ZFP36L2: variants seen among roughly 807,000 people sequenced by gnomAD.
ZFP36L2 encodes ZFP36 like 2 zinc finger CCCH-type.
Under a neutral mutation model 27.9 loss-of-function variants are expected in ZFP36L2, and 16 were observed. The observed-to-expected ratio is 0.57, with a 90% CI of 0.39 to 0.87. ZFP36L2 has a LOEUF of 0.87. Among genes scored for constraint, ZFP36L2 ranks in the 40% least tolerant of loss-of-function variants. The probability of loss-of-function intolerance (pLI) is 0.00; values close to 1 mark genes in which losing one functional copy is unlikely to be tolerated. For synonymous variants in ZFP36L2, 600 were observed against 363.8 expected, an observed-to-expected ratio of 1.65 and a Z score of -7.39; for missense variants, 989 against 726.9, an observed-to-expected ratio of 1.36 and a Z score of -4.15.
chr2:43,224,287 C>T lies in ZFP36L2; in HGVS notation c.*32G>A, dbSNP rs1385235092. On this transcript the variant is annotated 3_prime_UTR_variant, in exon 2 of 2. Coordinates refer to ENST00000282388, the MANE Select transcript of ZFP36L2 (RefSeq NM_006887.5). ...GTGTCCTCCAACATCTCTGAACCGCCTTCCCTTCCTCCTCACTGGCGCCCT... is the reference window on the plus strand; with the variant it reads ...GTGTCCTCCAACATCTCTGAACCGCTTTCCCTTCCTCCTCACTGGCGCCCT... 1.3e-6 allele frequency: 2 copies of T among 1,521,740 alleles called. No individual in the cohort carries two copies. The highest frequency in any genetic ancestry group is 1.8e-6 in the Non-Finnish European group (2 of 1,140,082). 94.3% of individuals were successfully genotyped at this position (1,521,740 alleles called of 1,614,324 possible).
chr2:43,224,936 G>A lies in ZFP36L2; in HGVS notation c.868C>T (p.Pro290Ser). The stretch of plus-strand genomic sequence containing the variant: ...GACGAGGCCGAAGAGCAGGAGGGCG[G>A]CGGCGGCGTGCGCGACGTGGGGCTG... ...LDSPTSRTPPPPSCSSASSCS... is the reference protein window; with the variant it reads ...LDSPTSRTPPSPSCSSASSCS... Residue 290 changes from proline to serine, a missense_variant, in exon 2 of 2, where the codon CCG becomes TCG. Pro to Ser is a moderately conservative substitution (Grantham distance 74, BLOSUM62 -1). Transcript: ENST00000282388. 3.9e-6 allele frequency: 6 copies of A among 1,551,500 alleles called. No individual in the cohort carries two copies. Among genetic ancestry groups the A allele is most frequent in the South Asian group, 1.2e-5 (1 of 85,360 alleles).
At chr2:43,226,243 C>A in intron 1 of ZFP36L2, 22 bp downstream of exon 1, 1 of 1,567,564 alleles carries the variant, frequency 6.4e-7, no homozygotes. Flanking sequence ...CTGCTGCCGG[C>A]CGGGCCCGCT....
chr2:43,225,590 C>T lies in ZFP36L2; in HGVS notation c.214G>A (p.Gly72Ser), dbSNP rs1037652125. Reference protein sequence around the residue: ...HALAHPAPSPGSCSPKFPGAA... With the variant: ...HALAHPAPSPSSCSPKFPGAA... ...CCCGGGAACTTGGGCGAGCAGCTGC[C>T]GGGGCTGGGCGCGGGGTGGGCGAGT... Residue 72 changes from glycine (G) to serine (S), a missense_variant, in exon 2 of 2, where the codon GGC (glycine) becomes AGC (serine). By Grantham distance (56) the Gly-to-Ser change is moderately conservative. Coordinates refer to ENST00000282388, the MANE Select transcript of ZFP36L2 (RefSeq NM_006887.5). The T allele has an allele frequency of 1.3e-6, 2 of 1,557,738 alleles. No individual in the cohort carries two copies. The highest frequency in any genetic ancestry group is 2.3e-5 in the East Asian group (1 of 42,772).
Position 43,225,727 on chromosome 2 carries a change from T to C in ZFP36L2, c.77A>G (p.Asn26Ser), listed in dbSNP as rs1330519796. ...CTTCTTGTCCAGCATGTTGTTCAGG[T>C]TGAGGTTGGCCAGGGATTTCTCTGT... ...CKTEKSLANLNLNNMLDKKAV... is the reference protein window; with the variant it reads ...CKTEKSLANLSLNNMLDKKAV... The change falls in exon 2 of 2, where the codon AAC becomes AGC. Residue 26 changes from asparagine (N) to serine (S), a missense_variant. Transcript: ENST00000282388. 1.8e-5 allele frequency: 29 copies of C among 1,593,506 alleles called. No individual in the cohort carries two copies. The highest frequency in any genetic ancestry group is 2.2e-5 in the Non-Finnish European group (26 of 1,178,032).
Position 43,226,585 on chromosome 2 carries a change from A to T in ZFP36L2, c.-270T>A, listed in dbSNP as rs1414399598. Reference sequence around the variant, plus strand: ...CCGCCCCCCCCGCGGAGCCGACGGCAGCTCGCGGACTGCTGGAACTCGGCG... The same window carrying T: ...CCGCCCCCCCCGCGGAGCCGACGGCTGCTCGCGGACTGCTGGAACTCGGCG... On this transcript the variant is annotated 5_prime_UTR_variant, in exon 1 of 2. Transcript: ENST00000282388. 1 of 483,740 alleles carries T rather than the reference A, an allele frequency of 2.1e-6. No homozygotes were observed. Among genetic ancestry groups the T allele is most frequent in the Admixed American group, 4.5e-5 (1 of 22,148 alleles). 30.0% of individuals were successfully genotyped at this position (483,740 alleles called of 1,614,324 possible). A position where few individuals can be genotyped will look rare whatever the true frequency, so the allele number is the denominator to read the frequency against.
Position 43,225,182 on chromosome 2 carries a change from A to G in ZFP36L2, c.622T>C (p.Tyr208His). The G allele has an allele frequency of 6.2e-7, 1 of 1,600,220 alleles. No individual in the cohort carries two copies. Among genetic ancestry groups the G allele is most frequent in the Non-Finnish European group, 8.5e-7 (1 of 1,179,738 alleles). ...TGGATGAAGTGGCAGCGCGGCCCAT[A>G]GGGGCAGAAGCCGATGGTATGAAAG... ...RTFHTIGFCP[Y>H]GPRCHFIHNA... Residue 208 changes from tyrosine to histidine, a missense_variant, in exon 2 of 2, where the codon TAT becomes CAT. Tyr to His is a moderately conservative substitution (Grantham distance 83, BLOSUM62 2). Coordinates refer to ENST00000282388, the MANE Select transcript of ZFP36L2 (RefSeq NM_006887.5).
At position 43,226,409 on chromosome 2, in the gene ZFP36L2, G is replaced by C. The variant is rs1433534714; in HGVS notation, c.-94C>G. On this transcript the variant is annotated 5_prime_UTR_variant, in exon 1 of 2. Transcript: ENST00000282388. Reference sequence around the variant, plus strand: ...CCGGGCTTGAGCCACGACGAATAACGGGCGAGGGGCGGGGAGGGGCCGAAA... The same window carrying C: ...CCGGGCTTGAGCCACGACGAATAACCGGCGAGGGGCGGGGAGGGGCCGAAA... 1 of 1,491,924 alleles carries C rather than the reference G, an allele frequency of 6.7e-7. No homozygotes were observed. The highest frequency in any genetic ancestry group is 1.4e-5 in the African/African-American group (1 of 71,266). The allele number at this position is 1,491,924 out of a possible 1,614,324, so 92.4% of individuals were successfully genotyped here.
chr2:43,225,257 G>C lies in ZFP36L2; in HGVS notation c.547C>G (p.Leu183Val). Residue 183 changes from leucine (L) to valine (V), a missense_variant, in exon 2 of 2, where the codon CTG becomes GTG. Transcript: ENST00000282388. Reference protein sequence around the residue: ...KCQFAHGFHELRSLTRHPKYK... With the variant: ...KCQFAHGFHEVRSLTRHPKYK... ...TTCGGATGGCGAGTCAGGCTGCGCA[G>C]CTCGTGGAAGCCATGCGCGAACTGG... 1.2e-6 allele frequency: 2 copies of C among 1,610,484 alleles called. No homozygotes were observed. The highest frequency in any genetic ancestry group is 1.7e-6 in the Non-Finnish European group (2 of 1,179,938).
In ZFP36L2 at chr2:43,225,153, G is replaced by T; in HGVS notation, c.651C>A (p.Asn217Lys). The change falls in exon 2 of 2, where the codon AAC becomes AAA. Residue 217 changes from asparagine (N) to lysine (K), a missense_variant. By Grantham distance (94) the Asn-to-Lys change is moderately conservative. Coordinates refer to ENST00000282388, the MANE Select transcript of ZFP36L2 (RefSeq NM_006887.5). The part of the protein sequence containing the change: ...PYGPRCHFIH[N>K]ADERRPAPSG... ...ACGGCGCGGGCCGCCGCTCGTCCGCGTTGTGGATGAAGTGGCAGCGCGGCC... is the reference window on the plus strand; with the variant it reads ...ACGGCGCGGGCCGCCGCTCGTCCGCTTTGTGGATGAAGTGGCAGCGCGGCC... 4 of 1,597,972 alleles carry T rather than the reference G, an allele frequency of 2.5e-6. No individual in the cohort carries two copies. The highest frequency in any genetic ancestry group is 3.4e-6 in the Non-Finnish European group (4 of 1,179,342).
At position 43,223,466 on chromosome 2, in the gene ZFP36L2, A is replaced by C. The variant is rs2103972941; in HGVS notation, c.*853T>G. 1 of 152,556 alleles carries C rather than the reference A, an allele frequency of 6.6e-6. No homozygotes were observed. Among genetic ancestry groups the C allele is most frequent in the East Asian group, 1.9e-4 (1 of 5,320 alleles). The allele number at this position is 152,556 out of a possible 1,614,324, so 9.5% of individuals were successfully genotyped here. ...TATACTTTTCACAAGATAATAAATA[A>C]GTTAAATAGTTTTCATATTGAGTTG... On this transcript the variant is annotated 3_prime_UTR_variant, in exon 2 of 2. Coordinates refer to ENST00000282388, the MANE Select transcript of ZFP36L2 (RefSeq NM_006887.5).
chr2:43,225,588 G>C lies in ZFP36L2; in HGVS notation c.216C>G (p.Gly72=). The part of the protein sequence containing the change: ...HALAHPAPSP[G]SCSPKFPGAA... ...CGCCCGGGAACTTGGGCGAGCAGCT[G>C]CCGGGGCTGGGCGCGGGGTGGGCGA... The change falls in exon 2 of 2, where the codon GGC becomes GGG. Residue 72 remains glycine, a synonymous_variant. Transcript: ENST00000282388. 1 of 1,559,566 alleles carries C rather than the reference G, an allele frequency of 6.4e-7. No homozygotes were observed. The highest frequency in any genetic ancestry group is 1.8e-4 in the Middle Eastern group (1 of 5,554).
In ZFP36L2 at chr2:43,224,892, G is replaced by GGAGGCGGAGGAGGAGCAGGAC. The variant is rs1160335548; in HGVS notation, c.891_911dup (p.Ser302_Ser308dup). The GGAGGCGGAGGAGGAGCAGGAC allele has an allele frequency of 6.5e-7, 1 of 1,533,642 alleles. No individual in the cohort carries two copies. The highest frequency in any genetic ancestry group is 1.2e-5 in the South Asian group (1 of 83,512). On this transcript the variant is annotated inframe_insertion, in exon 2 of 2. Coordinates refer to ENST00000282388, the MANE Select transcript of ZFP36L2 (RefSeq NM_006887.5). ...AGGCCGCGGAGGCCGAGGAACAGGA[G>GGAGGCGGAGGAGGAGCAGGAC]GAGGCGGAGGAGGAGCAGGACGAGG...
chr2:43,224,661 G>T lies in ZFP36L2; in HGVS notation c.1143C>A (p.His381Gln). ...CGGCGGCGGCCACGGCGGCAAAGTTGTGGGTCTGGATGGCGAGCGGCGTGA... is the reference window on the plus strand; with the variant it reads ...CGGCGGCGGCCACGGCGGCAAAGTTTTGGGTCTGGATGGCGAGCGGCGTGA... ...SLITPLAIQT[H>Q]NFAAVAAAAY... is the part of the protein sequence containing the mutation. Residue 381 changes from histidine (H) to glutamine (Q), a missense_variant, in exon 2 of 2, where the codon CAC (histidine) becomes CAA (glutamine). By Grantham distance (24) the His-to-Gln change is conservative. Transcript: ENST00000282388. 1 of 1,531,726 alleles carries T rather than the reference G, an allele frequency of 6.5e-7. No homozygotes were observed. Among genetic ancestry groups the T allele is most frequent in the Non-Finnish European group, 8.7e-7 (1 of 1,144,200 alleles). 94.9% of individuals were successfully genotyped at this position (1,531,726 alleles called of 1,614,324 possible).
chr2:43,225,234 C>T lies in ZFP36L2; in HGVS notation c.570G>A (p.Pro190=), dbSNP rs778628116. 1.9e-6 allele frequency: 3 copies of T among 1,608,098 alleles called. No homozygotes were observed. Among genetic ancestry groups the T allele is most frequent in the African/African-American group, 1.3e-5 (1 of 74,914 alleles). Residue 190 remains proline, a synonymous_variant, in exon 2 of 2, where the codon CCG becomes CCA. Coordinates refer to ENST00000282388, the MANE Select transcript of ZFP36L2 (RefSeq NM_006887.5). ...FHELRSLTRH[P]KYKTELCRTF... The stretch of plus-strand genomic sequence containing the variant: ...TGCGGCACAGCTCGGTCTTGTACTT[C>T]GGATGGCGAGTCAGGCTGCGCAGCT...
chr2:43,222,848 T>C lies in ZFP36L2; in HGVS notation c.*1471A>G, dbSNP rs1388953433. 2.0e-5 allele frequency: 3 copies of C among 152,318 alleles called. No individual in the cohort carries two copies. The highest frequency in any genetic ancestry group is 4.4e-5 in the Non-Finnish European group (3 of 68,042). 9.4% of individuals were successfully genotyped at this position (152,318 alleles called of 1,614,324 possible). On this transcript the variant is annotated 3_prime_UTR_variant, in exon 2 of 2. Transcript: ENST00000282388. The stretch of plus-strand genomic sequence containing the variant: ...ACATTCAGATTCTCTCAAGCACTAA[T>C]AAAATACTTATTTGGTTGAGGAAGA...
rs35842340 is a variant in ZFP36L2 at position 43,225,375 on chromosome 2, C to T, written c.429G>A (p.Gly143=). ...HLLHLQQQQK[G]GGGSQINSTR... ...TGGAGTTGATCTGGGAGCCGCCGCC[C>T]CCCTTCTGCTGCTGCTGCAGGTGCA... Residue 143 remains glycine (G), a synonymous_variant, in exon 2 of 2, where the codon GGG becomes GGA. Transcript: ENST00000282388. 1 of 1,613,698 alleles carries T rather than the reference C, an allele frequency of 6.2e-7. No homozygotes were observed. Among genetic ancestry groups the T allele is most frequent in the Non-Finnish European group, 8.5e-7 (1 of 1,179,976 alleles).
Position 43,226,341 on chromosome 2 carries a change from G to C in ZFP36L2, c.-26C>G, listed in dbSNP as rs1249919661. The C allele has an allele frequency of 1.3e-6, 2 of 1,564,750 alleles. No individual in the cohort carries two copies. Among genetic ancestry groups the C allele is most frequent in the Non-Finnish European group, 1.7e-6 (2 of 1,154,774 alleles). On this transcript the variant is annotated 5_prime_UTR_variant, in exon 1 of 2. Transcript: ENST00000282388. The stretch of plus-strand genomic sequence containing the variant: ...GTTTCTGGATCCCGCAGTGGCCGGA[G>C]CGGCAGGCCGGGAGGTCGGGAGGAG...
rs1667010367 is a variant in ZFP36L2, at chr2:43,223,416, T to C, written c.*903A>G. The C allele has an allele frequency of 6.6e-6, 1 of 152,252 alleles. No individual in the cohort carries two copies. Among genetic ancestry groups the C allele is most frequent in the African/African-American group, 2.4e-5 (1 of 41,434 alleles). The allele number at this position is 152,252 out of a possible 1,614,324, so 9.4% of individuals were successfully genotyped here. ...ATTGCTTTTCATCATACTTGATAAATACAGTATGAACAAAATTTTCATTGT... is the reference window on the plus strand; with the variant it reads ...ATTGCTTTTCATCATACTTGATAAACACAGTATGAACAAAATTTTCATTGT... On this transcript the variant is annotated 3_prime_UTR_variant, in exon 2 of 2. Coordinates refer to ENST00000282388, the MANE Select transcript of ZFP36L2 (RefSeq NM_006887.5).
In ZFP36L2 at chr2:43,224,742, C is replaced by A; in HGVS notation, c.1062G>T (p.Ser354=). The A allele has an allele frequency of 4.0e-6, 6 of 1,515,382 alleles. No homozygotes were observed. The highest frequency in any genetic ancestry group is 5.3e-6 in the Non-Finnish European group (6 of 1,138,970). The allele number at this position is 1,515,382 out of a possible 1,614,324, so 93.9% of individuals were successfully genotyped here. A position where few individuals can be genotyped will look rare whatever the true frequency, so the allele number is the denominator to read the frequency against. ...AGGCGTTGTTGGCGCACGAGGCCGA[C>A]GAGCAGGCCGCGCACGGGGCCCCCG... ...LAPGAPCAAC[S]SASCANNAFA... The change falls in exon 2 of 2, where the codon TCG becomes TCT. Residue 354 remains serine (S), a synonymous_variant. Coordinates refer to ENST00000282388, the MANE Select transcript of ZFP36L2 (RefSeq NM_006887.5).
Sources: gnomAD v4.1 joint callset for allele counts on GRCh38, gnomAD v4.1.1 for gene constraint, MANE v1.5 for transcripts, NCBI Gene and HGNC (gene_info 2026-07-23, HGNC 2026-07-21) for gene names.